The following IL1RAPL1 variants were observed in gnomAD, a reference collection of about 807,000 sequenced individuals.
IL1RAPL1 encodes the protein interleukin 1 receptor accessory protein like 1.
In IL1RAPL1, 3 loss-of-function variants were observed where a neutral mutation model predicts 48.4. That is an observed-to-expected ratio of 0.06 (90% CI 0.03 to 0.16). The LOEUF is 0.16. Among genes scored for constraint, IL1RAPL1 ranks in the 10% least tolerant of loss-of-function variants. The pLI is 1.00. For missense variants in IL1RAPL1, 349 were observed against 530.6 expected, an observed-to-expected ratio of 0.66 and a Z score of 3.36; for synonymous variants, 185 against 187.7, an observed-to-expected ratio of 0.99 and a Z score of 0.12.
At chrX:29,590,864 T>G (rs1602314029) in intron 5 of IL1RAPL1, among the ~76,000 whole-genome samples, 1 of 112,254 alleles carries the variant, frequency 8.9e-6, no homozygotes, top group Non-Finnish European at 1.9e-5. Flanking sequence ...TCGAAGGAAT[T>G]TTTCTGCAGT....
intron 9 of IL1RAPL1, among the ~76,000 whole-genome samples, chrX:29,952,913 T>C (rs1933346506): frequency 8.9e-6 from 1 of 111,929 alleles, no homozygotes; most frequent in Admixed American, 9.5e-5. Context: ...TAACTTTACA[T>C]GTAGCAAACA....
intron 6 of IL1RAPL1, among the ~76,000 whole-genome samples, chrX:29,789,780 C>CTT (rs143889631): frequency 2.3e-4 from 19 of 81,859 alleles, no homozygotes; most frequent in African/African-American, 7.2e-4. Flanking sequence ...TCATGAGTTT[C>CTT]TTTTTTTTTT....
At chrX:29,013,087 T>G (rs950780752) in intron 2 of IL1RAPL1, among the ~76,000 whole-genome samples, 1 of 110,126 alleles carries the variant, frequency 9.1e-6, no homozygotes, top group Admixed American at 9.7e-5. Context: ...CAAAAGCATA[T>G]GAAACAAACA....
At chrX:28,841,208 A>G (rs1392379306) in intron 2 of IL1RAPL1, among the ~76,000 whole-genome samples, 3 of 110,865 alleles carry the variant, frequency 2.7e-5, no homozygotes, top group African/African-American at 9.8e-5. Flanking sequence ...CCAGTAGACA[A>G]ATTTACACTT....
chrX:29,706,106 G>T (rs1466680701), intron 6 of IL1RAPL1, among the ~76,000 whole-genome samples: 1 of 111,193 alleles, frequency 9.0e-6, no homozygotes, highest in African/African-American at 3.3e-5. Flanking sequence ...AAAACCATCG[G>T]ATCTTGTGAG....
At chrX:29,863,772 C>G (rs1353705788) in intron 6 of IL1RAPL1, among the ~76,000 whole-genome samples, 1 of 110,439 alleles carries the variant, frequency 9.1e-6, no homozygotes, top group Admixed American at 9.5e-5. Flanking sequence ...TTTCTGGGCT[C>G]CACACATACA....
At chrX:28,836,731 G>T (rs1285593882) in intron 2 of IL1RAPL1, among the ~76,000 whole-genome samples, 1 of 109,964 alleles carries the variant, frequency 9.1e-6, no homozygotes, top group Non-Finnish European at 1.9e-5. Context: ...TTAAAAACTT[G>T]CTGTGGTCAT....
Position 29,385,021 on chromosome X carries a change from T to A in IL1RAPL1, c.363-11237T>A, listed in dbSNP as rs768888149. Reference sequence around the variant, plus strand: ...CCCATTTAAAGTGTACCATTCTAATTTTTTTTAACTGTGGTAAAATACCAC... The same window carrying A: ...CCCATTTAAAGTGTACCATTCTAATATTTTTTAACTGTGGTAAAATACCAC... On this transcript the variant is annotated intron_variant, in intron 3 of 10. Coordinates refer to ENST00000378993, the MANE Select transcript of IL1RAPL1 (RefSeq NM_014271.4). Among the ~76,000 whole-genome samples, 3 of 111,656 alleles carry A rather than the reference T, an allele frequency of 2.7e-5. No individual in the cohort carries two copies. In the East Asian group the frequency reaches 8.4e-4, roughly 31 times the overall value.
intron 1 of IL1RAPL1, among the ~76,000 whole-genome samples, chrX:28,591,887 G>A (rs996363365): frequency 1.8e-5 from 2 of 111,632 alleles, no homozygotes; most frequent in Non-Finnish European, 3.8e-5. Flanking sequence ...ACAGAAAGGA[G>A]ATAATATGTG....
intron 9 of IL1RAPL1, 111 bp downstream of exon 9, chrX:29,941,905 T>C: frequency 1.5e-6 from 1 of 674,285 alleles, no homozygotes; most frequent in South Asian, 2.4e-5. Flanking sequence ...GCAGCTCGTA[T>C]ATTCTTTCAG....
intron 2 of IL1RAPL1, among the ~76,000 whole-genome samples, chrX:29,258,610 T>A (rs1465215175): frequency 9.0e-6 from 1 of 110,902 alleles, no homozygotes; most frequent in Non-Finnish European, 1.9e-5. Context: ...TTTTTTTTTT[T>A]AGAAATTAAG....
chrX:29,305,001 T>C (rs757667173), intron 3 of IL1RAPL1, among the ~76,000 whole-genome samples: 1 of 112,413 alleles, frequency 8.9e-6, no homozygotes, highest in Non-Finnish European at 1.9e-5. Flanking sequence ...CTGACTGTGC[T>C]AATCATTGAA....
chrX:29,477,910 T>G (rs1934995561), intron 5 of IL1RAPL1, among the ~76,000 whole-genome samples: 1 of 112,087 alleles, frequency 8.9e-6, no homozygotes, highest in Non-Finnish European at 1.9e-5. Context: ...GCAAAATACA[T>G]AAAGACTTGC....
chrX:28,909,422 A>G (rs1450423406), intron 2 of IL1RAPL1, among the ~76,000 whole-genome samples: 1 of 111,555 alleles, frequency 9.0e-6, no homozygotes, highest in East Asian at 2.8e-4. Flanking sequence ...TTCATATAGC[A>G]TTGTTTCCTG....
intron 2 of IL1RAPL1, among the ~76,000 whole-genome samples, chrX:28,946,347 G>T (rs753522738): frequency 9.1e-5 from 10 of 109,767 alleles, no homozygotes. Context: ...AATAGGGGTA[G>T]TATTTTAAAG....
chrX:29,933,481 A>AGT (rs1456039679), intron 8 of IL1RAPL1, among the ~76,000 whole-genome samples: 4 of 111,061 alleles, frequency 3.6e-5, no homozygotes, highest in African/African-American at 6.5e-5. Flanking sequence ...TTGACTAGAT[A>AGT]CACAGACATA....
chrX:29,463,791 A>G (rs968340667), intron 5 of IL1RAPL1, among the ~76,000 whole-genome samples: 1 of 111,743 alleles, frequency 8.9e-6, no homozygotes, highest in Non-Finnish European at 1.9e-5. Flanking sequence ...AGAAAAGGTC[A>G]TTTAGCTTCT....
chrX:29,140,763 A>T (rs929729679), intron 2 of IL1RAPL1, among the ~76,000 whole-genome samples: 9 of 111,530 alleles, frequency 8.1e-5, no homozygotes, highest in Non-Finnish European at 1.7e-4. Context: ...TGCTTCACAG[A>T]GGGCACCATC....
chrX:29,616,829 C>A (rs1321498017), intron 5 of IL1RAPL1, among the ~76,000 whole-genome samples: 1 of 111,767 alleles, frequency 8.9e-6, no homozygotes, highest in African/African-American at 3.3e-5. Flanking sequence ...GGAATGGATT[C>A]ATTGCTTTTG....
Sources: allele counts gnomAD v4.1 joint callset (sites outside exome capture counted in the v4.1 genomes callset), GRCh38; gene constraint gnomAD v4.1.1; transcripts MANE v1.5; gene names NCBI Gene and HGNC (gene_info 2026-07-23, HGNC 2026-07-21).